SAMD5: variants seen among roughly 807,000 people sequenced by gnomAD.
SAMD5 encodes sterile alpha motif domain containing 5.
In SAMD5, 13 loss-of-function variants were observed where a neutral mutation model predicts 11.3. The observed-to-expected ratio is 1.15, with a 90% CI of 0.75 to 1.83. The LOEUF (loss-of-function observed/expected upper bound fraction) is 1.83. Ranked by LOEUF, SAMD5 falls within the 40% of genes most tolerant of loss-of-function variation. The pLI is 0.00. For synonymous variants in SAMD5, 129 were observed against 111.3 expected (o/e 1.16, Z -1.00); for missense variants, 255 against 239.1 (o/e 1.07, Z -0.44).
At chr6:147,798,767 A>G in the SAMD5 span, among the ~76,000 whole-genome samples, 1 of 152,090 alleles carries the variant, frequency 6.6e-6, no homozygotes, top group African/African-American at 2.4e-5. Flanking sequence ...TTGGGTGCAT[A>G]TATATTTAGG....
intron 1 of SAMD5, among the ~76,000 whole-genome samples, chr6:147,596,783 C>T (rs1022848778): frequency 1.3e-5 from 2 of 152,118 alleles, no homozygotes; most frequent in Non-Finnish European, 2.9e-5. Context: ...TACACATCTG[C>T]TTCATTGGTT....
the SAMD5 span, among the ~76,000 whole-genome samples, chr6:147,890,075 A>T: frequency 6.6e-6 from 1 of 152,194 alleles, no homozygotes; most frequent in Non-Finnish European, 1.5e-5. Context: ...ACTTTTAATA[A>T]TATGAAAAAT....
chr6:147,768,230 G>T, the SAMD5 span, among the ~76,000 whole-genome samples: 33 of 152,316 alleles, frequency 2.2e-4, no homozygotes, highest in Admixed American at 2.0e-3. Context: ...GGGTGTGGTG[G>T]CTTACACCTG....
intron 1 of SAMD5, among the ~76,000 whole-genome samples, chr6:147,663,303 C>T (rs1175145371): frequency 6.6e-6 from 1 of 152,034 alleles, no homozygotes; most frequent in Non-Finnish European, 1.5e-5. Flanking sequence ...GACTAACACA[C>T]TCTGAGGCCT....
chr6:147,909,613 T>TC, the SAMD5 span, among the ~76,000 whole-genome samples: 181 of 69,076 alleles, frequency 2.6e-3, 1 homozygote, highest in East Asian at 0.017. Context: ...TCTTTCTTTC[T>TC]TTCTTTCTTT....
intron 1 of SAMD5, among the ~76,000 whole-genome samples, chr6:147,717,103 A>C (rs944543172): frequency 6.6e-6 from 1 of 152,228 alleles, no homozygotes; most frequent in Non-Finnish European, 1.5e-5. Flanking sequence ...AAGGTTTTGC[A>C]TGATCCACCT....
chr6:147,942,628 C>G, the SAMD5 span, among the ~76,000 whole-genome samples: 101,403 of 151,856 alleles, frequency 0.67, 34,368 homozygotes, highest in Non-Finnish European at 0.73. Flanking sequence ...TCTGTTCATC[C>G]TTGGCTAAGA....
At chr6:147,860,172 C>G in the SAMD5 span, among the ~76,000 whole-genome samples, 2 of 152,254 alleles carry the variant, frequency 1.3e-5, no homozygotes, top group South Asian at 4.1e-4. Context: ...GCTGGAAACC[C>G]TTGGCATTCT....
chr6:147,509,810 T>G (rs1788060118), intron 1 of SAMD5, among the ~76,000 whole-genome samples: 1 of 152,150 alleles, frequency 6.6e-6, no homozygotes, highest in Admixed American at 6.5e-5. Context: ...CTTTTTTGAG[T>G]CTTGAGAAAC....
At chr6:147,672,268 A>G (rs909494904) in intron 1 of SAMD5, among the ~76,000 whole-genome samples, 4 of 152,104 alleles carry the variant, frequency 2.6e-5, no homozygotes, top group Non-Finnish European at 5.9e-5. Context: ...ACCTTGTTCT[A>G]GTCACTTTAT....
At chr6:147,888,564 T>C in the SAMD5 span, among the ~76,000 whole-genome samples, 3 of 127,066 alleles carry the variant, frequency 2.4e-5, no homozygotes, top group African/African-American at 3.3e-5. Context: ...TGGTATGTAA[T>C]GTCCTTTTTC....
the SAMD5 span, among the ~76,000 whole-genome samples, chr6:147,934,217 A>G: frequency 6.6e-6 from 1 of 152,230 alleles, no homozygotes. Flanking sequence ...ATTCTATAAT[A>G]GGAGAATTTT....
At chr6:147,524,395 TTTTTTG>T (rs927138436) in intron 1 of SAMD5, among the ~76,000 whole-genome samples, 71 of 151,702 alleles carry the variant, frequency 4.7e-4, no homozygotes, top group Admixed American at 2.8e-3. Context: ...AGTAATGGGT[TTTTTTG>T]TTTTTGTTTT....
At chr6:147,654,618 G>C (rs867041612) in intron 1 of SAMD5, among the ~76,000 whole-genome samples, 1 of 151,996 alleles carries the variant, frequency 6.6e-6, no homozygotes, top group African/African-American at 2.4e-5. Context: ...TGATTAGCCT[G>C]TTTTTCTGCT....
Position 147,565,760 on chromosome 6 carries a change from T to C in SAMD5, c.*1304T>C. 1 of 985,354 alleles carries C rather than the reference T, an allele frequency of 1.0e-6. No individual in the cohort carries two copies. The highest frequency in any genetic ancestry group is 1.2e-6 in the Non-Finnish European group (1 of 829,894). 61.0% of individuals were successfully genotyped at this position (985,354 alleles called of 1,614,324 possible). ...CAGGCGTGAGCCATCACACCCGGCCTGGATGCTGGTAGTTTTATTTTCTGC... is the reference window on the plus strand; with the variant it reads ...CAGGCGTGAGCCATCACACCCGGCCCGGATGCTGGTAGTTTTATTTTCTGC... On this transcript the variant is annotated 3_prime_UTR_variant, in exon 2 of 2. Transcript: ENST00000367474.
At chr6:147,605,603 G>C (rs1262650935) in intron 1 of SAMD5, among the ~76,000 whole-genome samples, 2 of 151,932 alleles carry the variant, frequency 1.3e-5, no homozygotes, top group East Asian at 3.9e-4. Context: ...GAATGGGAGG[G>C]ATTTAAAAAA....
chr6:147,779,517 A>G, the SAMD5 span, among the ~76,000 whole-genome samples: 1 of 146,700 alleles, frequency 6.8e-6, no homozygotes, highest in Non-Finnish European at 1.5e-5. Context: ...TTTTTTTGAG[A>G]CAGAGTCTCA....
the SAMD5 span, among the ~76,000 whole-genome samples, chr6:147,938,334 A>G: frequency 6.6e-6 from 1 of 152,238 alleles, no homozygotes; most frequent in East Asian, 1.9e-4. Flanking sequence ...TAATCAAACG[A>G]AAAAGATAAC....
intron 1 of SAMD5, among the ~76,000 whole-genome samples, chr6:147,523,088 A>G (rs1411434222): frequency 6.6e-6 from 1 of 152,016 alleles, no homozygotes; most frequent in Non-Finnish European, 1.5e-5. Context: ...AATCCCCTAT[A>G]GTCGGCTCCC....
Sources: allele counts gnomAD v4.1 joint callset (sites outside exome capture counted in the v4.1 genomes callset), GRCh38; gene constraint gnomAD v4.1.1; transcripts MANE v1.5; gene names NCBI Gene and HGNC (gene_info 2026-07-23, HGNC 2026-07-21).